The following BEST1 variants were observed in gnomAD, a reference collection of about 807,000 sequenced individuals.
BEST1 encodes the protein bestrophin-1.
A neutral mutation model predicts 63.3 loss-of-function variants in BEST1; 58 were observed. The observed-to-expected ratio is 0.92, with a 90% CI of 0.74 to 1.14. The LOEUF (loss-of-function observed/expected upper bound fraction) is 1.14. BEST1 is among the 50% of genes most tolerant of loss of function. The pLI, the probability that BEST1 is intolerant of heterozygous loss-of-function variation, is 0.00. For synonymous variants in BEST1, 283 were observed against 291.6 expected, an observed-to-expected ratio of 0.97 and a Z score of 0.30; for missense variants, 671 against 740.1, an observed-to-expected ratio of 0.91 and a Z score of 1.08.
At chr11:61,963,427 C>T (rs1942285308) in intron 10 of BEST1, 1 of 1,175,286 alleles carries the variant, frequency 8.5e-7, no homozygotes, top group Non-Finnish European at 1.1e-6. Context: ...GTCATTTTCT[C>T]ACTGCCTGGG....
At chr11:61,962,159 C>T in intron 9 of BEST1, 96 bp from the exon 10 acceptor site, 4 of 1,397,498 alleles carry the variant, frequency 2.9e-6, no homozygotes, top group Admixed American at 1.8e-5. Context: ...TTGGCTTGGG[C>T]CAACTGAGAG....
rs1382433029 is a variant in BEST1, at chr11:61,954,966, C to CA, written c.153-140dup. ...AGCATCATGGACCTGGCTCAGGCCT[C>CA]AGGAGGGGCCCTGGGCTGGGGAAAA... On this transcript the variant is annotated intron_variant, in intron 2 of 10. Coordinates refer to ENST00000378043, the MANE Select transcript of BEST1 (RefSeq NM_004183.4). 3 of 1,506,074 alleles carry CA rather than the reference C, an allele frequency of 2.0e-6. No homozygotes were observed. In the East Asian group the frequency reaches 7.4e-5, roughly 37 times the overall value. The allele number at this position is 1,506,074 out of a possible 1,614,324, so 93.3% of individuals were successfully genotyped here.
intron 1 of BEST1, 86 bp downstream of exon 1, chr11:61,950,513 A>G (rs1940529525): frequency 6.5e-6 from 1 of 152,698 alleles, no homozygotes; most frequent in Non-Finnish European, 1.5e-5. Flanking sequence ...TGTGTGGGAT[A>G]TGCACACACA....
intron 4 of BEST1, among the ~76,000 whole-genome samples, chr11:61,956,391 C>T (rs1393975343): frequency 6.6e-6 from 1 of 152,124 alleles, no homozygotes; most frequent in Admixed American, 6.5e-5. Context: ...GTGGCTGTCG[C>T]CTGTAATCCC....
At chr11:61,965,240 TAAA>T (rs1591321100), downstream of BEST1, 2 of 1,593,664 alleles carry the variant, frequency 1.3e-6, no homozygotes, top group East Asian at 4.5e-5. Context: ...ATGGTAAGCC[TAAA>T]AAAGCACAAA....
At chr11:61,964,656 C>T, downstream of BEST1, 2 of 1,501,488 alleles carry the variant, frequency 1.3e-6, no homozygotes, top group South Asian at 1.1e-5. Context: ...GTAAAGGAAA[C>T]CCCAACATGC....
rs200235532 is a variant in BEST1, at chr11:61,955,125, A to C, written c.171A>C (p.Glu57Asp). The change falls in exon 3 of 11, where the codon GAA becomes GAC. Residue 57 changes from glutamate (E) to aspartate (D), a missense_variant. Glu to Asp is a conservative substitution (Grantham distance 45). Transcript: ENST00000378043. ...CCCCCAGGCTGGCCCTCACGGAAGA[A>C]CAACAGCTGATGTTTGAGAAACTGA... ...RFIYRLALTE[E>D]QQLMFEKLTL... The C allele has an allele frequency of 6.7e-5, 108 of 1,613,874 alleles. No individual in the cohort carries two copies. Among genetic ancestry groups the C allele is most frequent in the Non-Finnish European group, 8.8e-5 (104 of 1,179,850 alleles).
Position 61,963,311 on chromosome 11 carries a change from A to G in BEST1, c.1739+418A>G, listed in dbSNP as rs1198501419. 60 of 1,356,006 alleles carry G rather than the reference A, an allele frequency of 4.4e-5. 1 individual carries two copies. Among genetic ancestry groups the G allele is most frequent in the Admixed American group, 1.7e-4 (5 of 30,048 alleles). The allele number at this position is 1,356,006 out of a possible 1,614,324, so 84.0% of individuals were successfully genotyped here. The stretch of plus-strand genomic sequence containing the variant: ...TGGATGACAGATGAACACTTCCCCC[A>G]TAACTATTTAGGGTAGTACCCAAGC... On this transcript the variant is annotated intron_variant, in intron 10 of 10. Coordinates refer to ENST00000378043, the MANE Select transcript of BEST1 (RefSeq NM_004183.4).
At position 61,956,938 on chromosome 11, in the gene BEST1, A is replaced by G. The variant is rs1941431241; in HGVS notation, c.576A>G (p.Ser192=). ...CCTGGGTGTGGTTTGCCAACCTGTC[A>G]ATGAAGGCGTGGCTTGGAGGTCGAA... ...WVPWVWFANL[S]MKAWLGGRIR... is the part of the protein sequence containing the mutation. The change falls in exon 5 of 11, where the codon TCA becomes TCG. Residue 192 remains serine (S), a synonymous_variant. Transcript: ENST00000378043. The G allele has an allele frequency of 6.2e-7, 1 of 1,613,952 alleles. No homozygotes were observed. Among genetic ancestry groups the G allele is most frequent in the East Asian group, 2.2e-5 (1 of 44,892 alleles).
Position 61,962,610 on chromosome 11 carries a change from C to T in BEST1, c.1456C>T (p.Pro486Ser). Residue 486 changes from proline (P) to serine (S), a missense_variant, in exon 10 of 11, where the codon CCG becomes TCG. Coordinates refer to ENST00000378043, the MANE Select transcript of BEST1 (RefSeq NM_004183.4). ...GTTCTTCCCCCTAGAACCATCAGCG[C>T]CGTCAAAGCTTCACAGTGTCACAGG... ...PMFFPLEPSA[P>S]SKLHSVTGID... 6.2e-7 allele frequency: 1 copy of T among 1,614,164 alleles called. No individual in the cohort carries two copies.
chr11:61,959,976 C>T lies in BEST1; in HGVS notation c.1033C>T (p.Pro345Ser), dbSNP rs1045042331. The T allele has an allele frequency of 6.2e-7, 1 of 1,612,396 alleles. No individual in the cohort carries two copies. The highest frequency in any genetic ancestry group is 8.5e-7 in the Non-Finnish European group (1 of 1,179,362). ...DMYWNKPEPQ[P>S]PYTAASAQFR... ...GTACTGGAATAAGCCCGAGCCACAGCCCCCCTACACAGCTGCTTCCGCCCA... is the reference window on the plus strand; with the variant it reads ...GTACTGGAATAAGCCCGAGCCACAGTCCCCCTACACAGCTGCTTCCGCCCA... Residue 345 changes from proline (P) to serine (S), a missense_variant, in exon 9 of 11, where the codon CCC becomes TCC. Physicochemically the swap from Pro to Ser is moderately conservative, Grantham distance 74. Transcript: ENST00000378043.
Position 61,955,835 on chromosome 11 carries a change from G to C in BEST1, c.365G>C (p.Arg122Pro), listed in dbSNP as rs767103810. 6.4e-7 allele frequency: 1 copy of C among 1,550,464 alleles called. No homozygotes were observed. Among genetic ancestry groups the C allele is most frequent in the Middle Eastern group, 1.7e-4 (1 of 5,962 alleles). ...GTCGAAGGCAAGGACGAGCAAGGCC[G>C]GCTGCTGCGGCGCACGCTCATCCGC... ...GFVEGKDEQGRLLRRTLIRYA... is the reference protein window; with the variant it reads ...GFVEGKDEQGPLLRRTLIRYA... The change falls in exon 4 of 11, where the codon CGG becomes CCG. Residue 122 changes from arginine to proline, a missense_variant. Coordinates refer to ENST00000378043, the MANE Select transcript of BEST1 (RefSeq NM_004183.4).
chr11:61,957,256 A>T, intron 5 of BEST1, 131 bp from the exon 6 acceptor site: 1 of 995,040 alleles, frequency 1.0e-6, no homozygotes, highest in Non-Finnish European at 1.6e-6. Flanking sequence ...AGGTTTAGTG[A>T]GCTTCCCATG....
At chr11:61,962,164 T>C in intron 9 of BEST1, 91 bp from the exon 10 acceptor site, 1 of 1,444,790 alleles carries the variant, frequency 6.9e-7, no homozygotes, top group Non-Finnish European at 9.7e-7. Flanking sequence ...TTGGGCCAAC[T>C]GAGAGAGAGG....
At chr11:61,956,097 G>A (rs1941317897) in intron 4 of BEST1, 146 bp downstream of exon 4, 6 of 832,212 alleles carry the variant, frequency 7.2e-6, no homozygotes, top group Non-Finnish European at 1.1e-5. Context: ...CAAGATTTGG[G>A]GGTCCAATTG....
At chr11:61,960,140 TTCAGTAAGTG>T in intron 9 of BEST1, 97 bp downstream of exon 9, 1 of 1,490,894 alleles carries the variant, frequency 6.7e-7, no homozygotes, top group African/African-American at 1.4e-5. Context: ...TACAGGTTGC[TTCAGTAAGTG>T]TCAGGCACTG....
At position 61,955,335 on chromosome 11, in the gene BEST1, C is replaced by G. The variant is rs1000545692; in HGVS notation, c.247+134C>G. 3 of 1,540,438 alleles carry G rather than the reference C, an allele frequency of 1.9e-6. No individual in the cohort carries two copies. In the East Asian group the frequency reaches 7.2e-5, roughly 37 times the overall value. ...GAACGCCAGCGGCAGGTCGGCGCCT[C>G]TCTGTAGGGAAAGGTGCGGACTGCA... On this transcript the variant is annotated intron_variant, in intron 3 of 10. Coordinates refer to ENST00000378043, the MANE Select transcript of BEST1 (RefSeq NM_004183.4).
At chr11:61,964,519 G>C (rs1369465954), downstream of BEST1, 7 of 653,006 alleles carry the variant, frequency 1.1e-5, no homozygotes, top group South Asian at 3.8e-5. Flanking sequence ...CTGGAAGATA[G>C]CCTGGATAGA....
chr11:61,962,720 C>A lies in BEST1; in HGVS notation c.1566C>A (p.Ala522=), dbSNP rs1303746932. 6.2e-7 allele frequency: 1 copy of A among 1,614,140 alleles called. No individual in the cohort carries two copies. The highest frequency in any genetic ancestry group is 8.5e-7 in the Non-Finnish European group (1 of 1,179,992). The stretch of plus-strand genomic sequence containing the variant: ...AATTGCTCTCAGAGAGCGATGGGGC[C>A]TTGATGGAGCACCCAGAAGTATCTC... The part of the protein sequence containing the change: ...SFELLSESDG[A]LMEHPEVSQV... Residue 522 remains alanine, a synonymous_variant, in exon 10 of 11, where the codon GCC becomes GCA. Transcript: ENST00000378043.
Sources: gnomAD v4.1 joint callset for allele counts (sites outside exome capture counted in the v4.1 genomes callset) on GRCh38, gnomAD v4.1.1 for gene constraint, MANE v1.5 for transcripts, NCBI Gene and HGNC (gene_info 2026-07-23, HGNC 2026-07-21) for gene names.